The following PTPRN2 variants were observed in gnomAD, a reference collection of about 807,000 sequenced individuals.
PTPRN2 encodes receptor-type tyrosine-protein phosphatase N2.
Under a neutral mutation model 118.8 loss-of-function variants are expected in PTPRN2, and 74 were observed. That is an observed-to-expected ratio of 0.62 (90% confidence interval 0.52 to 0.76). The LOEUF (loss-of-function observed/expected upper bound fraction) is 0.76. PTPRN2 is among the 30% of genes least tolerant of loss of function. The pLI, the probability that PTPRN2 is intolerant of heterozygous loss-of-function variation, is 0.00. For missense variants in PTPRN2, 1,481 were observed against 1,394.4 expected (o/e 1.06, Z -0.99); for synonymous variants, 641 against 608.0 (o/e 1.05, Z -0.80).
intron 3 of PTPRN2, among the ~76,000 whole-genome samples, chr7:158,264,666 C>G (rs1329799503): frequency 6.6e-6 from 1 of 152,164 alleles, no homozygotes; most frequent in Non-Finnish European, 1.5e-5. Flanking sequence ...TTGCGGGGAC[C>G]AAAGGCCGGG....
intron 12 of PTPRN2, among the ~76,000 whole-genome samples, chr7:157,727,100 C>T (rs958564909): frequency 6.6e-6 from 1 of 152,152 alleles, no homozygotes; most frequent in African/African-American, 2.4e-5. Context: ...AATGGAATTC[C>T]CATAGGAGCC....
At chr7:157,835,547 G>C (rs1341313533) in intron 12 of PTPRN2, among the ~76,000 whole-genome samples, 1 of 152,162 alleles carries the variant, frequency 6.6e-6, no homozygotes, top group Non-Finnish European at 1.5e-5. Flanking sequence ...CTAAGGATGG[G>C]GGAGAGTTTG....
intron 3 of PTPRN2, among the ~76,000 whole-genome samples, chr7:158,228,751 C>T (rs1158923452): frequency 6.6e-6 from 1 of 152,106 alleles, no homozygotes; most frequent in Non-Finnish European, 1.5e-5. Flanking sequence ...CAACTCATAG[C>T]TTCTATGCTG....
At position 158,053,880 on chromosome 7, in the gene PTPRN2, T is replaced by C. The variant is rs550364604; in HGVS notation, c.1723+27418A>G. On this transcript the variant is annotated intron_variant, in intron 11 of 22. Coordinates refer to ENST00000389418, the MANE Select transcript of PTPRN2 (RefSeq NM_002847.5). ...TCCAGAGACGCAGAGACCCCAGAGA[T>C]GCAGAGACCCCAGAGATGCAGAGAC... 6.2e-3 allele frequency among the ~76,000 whole-genome samples: 832 copies of C among 135,266 alleles called. 13 individuals carry two copies. Among genetic ancestry groups the C allele is most frequent in the African/African-American group, 0.013 (439 of 34,478 alleles). 88.7% of individuals were successfully genotyped at this position (135,266 alleles called of 152,430 possible). A position where few individuals can be genotyped will look rare whatever the true frequency, so the allele number is the denominator to read the frequency against.
intron 1 of PTPRN2, among the ~76,000 whole-genome samples, chr7:158,587,284 C>CCCCCAGAA (rs1829013425): frequency 1.3e-5 from 1 of 76,752 alleles, no homozygotes; most frequent in Non-Finnish European, 2.8e-5. Flanking sequence ...AGGCGTCCCT[C>CCCCCAGAA]CCCCAGAACC....
chr7:158,255,594 TG>T (rs1796970522), intron 3 of PTPRN2, among the ~76,000 whole-genome samples: 1 of 25,584 alleles, frequency 3.9e-5, no homozygotes, highest in Non-Finnish European at 1.1e-4. Flanking sequence ...TTTTGTGGAG[TG>T]AGGGGTGTTG....
chr7:158,502,617 C>G (rs1286060186), intron 1 of PTPRN2, among the ~76,000 whole-genome samples: 1 of 152,254 alleles, frequency 6.6e-6, no homozygotes, highest in African/African-American at 2.4e-5. Flanking sequence ...CTCACATCCC[C>G]CAGTTCACAC....
chr7:157,952,180 C>T (rs569448132), intron 11 of PTPRN2, among the ~76,000 whole-genome samples: 8 of 152,226 alleles, frequency 5.3e-5, no homozygotes, highest in East Asian at 3.9e-4. Context: ...GCCCTGGGAG[C>T]CCCCCAGAGC....
At chr7:157,716,198 C>T (rs1798896071) in intron 12 of PTPRN2, among the ~76,000 whole-genome samples, 1 of 152,262 alleles carries the variant, frequency 6.6e-6, no homozygotes, top group African/African-American at 2.4e-5. Context: ...AACTCATACA[C>T]CTGAGTCCTC....
At chr7:158,143,871 G>A (rs1391663506) in intron 6 of PTPRN2, among the ~76,000 whole-genome samples, 1 of 152,126 alleles carries the variant, frequency 6.6e-6, no homozygotes, top group Non-Finnish European at 1.5e-5. Context: ...CAAGGCCTGG[G>A]AGCCTCCACC....
intron 1 of PTPRN2, among the ~76,000 whole-genome samples, chr7:158,532,299 G>A (rs1377959549): frequency 3.3e-5 from 5 of 152,160 alleles, no homozygotes; most frequent in African/African-American, 9.7e-5. Context: ...GCCACGTCAC[G>A]TCTCTATGAC....
chr7:157,875,558 A>T (rs1164773636), intron 12 of PTPRN2, among the ~76,000 whole-genome samples: 3 of 152,186 alleles, frequency 2.0e-5, no homozygotes, highest in Non-Finnish European at 4.4e-5. Context: ...CCAAAGGGAG[A>T]TCGTTCCAGC....
chr7:158,424,396 A>G lies in PTPRN2; in HGVS notation c.163+65339T>C, dbSNP rs1320014881. On this transcript the variant is annotated intron_variant, in intron 2 of 22. Transcript: ENST00000389418. ...TGCCTGTTAACGTTTATTGCTCCCA[A>G]AGTCTGATTATAACACACTAGCTCC... 3.9e-5 allele frequency among the ~76,000 whole-genome samples: 6 copies of G among 152,200 alleles called. No homozygotes were observed. In the East Asian group the frequency reaches 1.2e-3, roughly 29 times the overall value.
intron 2 of PTPRN2, among the ~76,000 whole-genome samples, chr7:158,422,408 A>C (rs2129423495): frequency 6.6e-6 from 1 of 152,366 alleles, no homozygotes; most frequent in African/African-American, 2.4e-5. Context: ...TCTGAATTTC[A>C]AATCTGGACA....
intron 11 of PTPRN2, among the ~76,000 whole-genome samples, chr7:158,035,287 TAA>T (rs888145036): frequency 1.3e-5 from 2 of 152,158 alleles, no homozygotes; most frequent in Non-Finnish European, 2.9e-5. Context: ...GCACACATTG[TAA>T]AAACAGCACA....
chr7:158,061,394 C>T (rs923047765), intron 11 of PTPRN2, among the ~76,000 whole-genome samples: 1 of 152,224 alleles, frequency 6.6e-6, no homozygotes, highest in African/African-American at 2.4e-5. Context: ...ACACCTGTTC[C>T]GAGGGAATCT....
chr7:157,582,886 AC>A (rs1242734597), intron 17 of PTPRN2, among the ~76,000 whole-genome samples: 16 of 151,252 alleles, frequency 1.1e-4, no homozygotes, highest in Non-Finnish European at 1.5e-4. Context: ...AAAAAAAAAA[AC>A]AAAACAAAAA....
At chr7:157,825,842 G>A (rs1807136444) in intron 12 of PTPRN2, among the ~76,000 whole-genome samples, 2 of 152,216 alleles carry the variant, frequency 1.3e-5, no homozygotes, top group African/African-American at 4.8e-5. Context: ...GCACTGTTCT[G>A]GAGACCTCAA....
At chr7:158,203,064 T>C (rs1411736428) in intron 4 of PTPRN2, among the ~76,000 whole-genome samples, 1 of 151,448 alleles carries the variant, frequency 6.6e-6, no homozygotes, top group Non-Finnish European at 1.5e-5. Flanking sequence ...AAACCCCATC[T>C]CTACTAAAAA....
Sources: allele counts gnomAD v4.1 joint callset (sites outside exome capture counted in the v4.1 genomes callset), GRCh38; gene constraint gnomAD v4.1.1; transcripts MANE v1.5; gene names NCBI Gene and HGNC (gene_info 2026-07-23, HGNC 2026-07-21).